Variants in AGBL1 observed in about 807,000 individuals in gnomAD.
AGBL1 encodes AGBL carboxypeptidase 1.
AGBL1 carries 130 observed loss-of-function variants against 118.9 expected under a neutral mutation model. The observed-to-expected ratio is 1.09, with a 90% CI of 0.95 to 1.26. AGBL1 has a LOEUF of 1.26. Ranked by LOEUF, AGBL1 falls within the 50% of genes most tolerant of loss-of-function variation. The pLI is 0.00. For synonymous variants in AGBL1, 555 were observed against 478.9 expected, an observed-to-expected ratio of 1.16 and a Z score of -2.08; for missense variants, 1,584 against 1,298.1, an observed-to-expected ratio of 1.22 and a Z score of -3.38.
At chr15:86,108,533 A>G (rs572701843) in intron 1 of AGBL1, among the ~76,000 whole-genome samples, 6 of 152,336 alleles carry the variant, frequency 3.9e-5, no homozygotes, top group African/African-American at 9.6e-5. Context: ...CTAGGAAGTC[A>G]GGGGCTCAGA....
At chr15:86,184,048 C>T (rs532428745) in intron 5 of AGBL1, among the ~76,000 whole-genome samples, 2 of 152,242 alleles carry the variant, frequency 1.3e-5, no homozygotes, top group East Asian at 3.9e-4. Flanking sequence ...TGTACACATT[C>T]CTTAAGACAG....
intron 3 of AGBL1, among the ~76,000 whole-genome samples, chr15:86,145,860 C>T (rs961438761): frequency 6.6e-6 from 1 of 152,094 alleles, no homozygotes; most frequent in African/African-American, 2.4e-5. Context: ...TTGATGATAG[C>T]AGACTATGAT....
chr15:86,875,226 A>T (rs2079790574), intron 22 of AGBL1, among the ~76,000 whole-genome samples: 1 of 152,164 alleles, frequency 6.6e-6, no homozygotes, highest in Non-Finnish European at 1.5e-5. Flanking sequence ...CACCCTGCTC[A>T]GGGCAGGCAC....
At chr15:86,747,992 C>G (rs2141247853) in intron 22 of AGBL1, among the ~76,000 whole-genome samples, 1 of 152,098 alleles carries the variant, frequency 6.6e-6, no homozygotes, top group Non-Finnish European at 1.5e-5. Flanking sequence ...GGGTATATAC[C>G]CAGTAATGGG....
At position 86,949,435 on chromosome 15, in the gene AGBL1, C is replaced by A. The variant is rs1010385120; in HGVS notation, c.3222-38552C>A. ...TTTGGAGCCAATTCAGGAAGAAGGC[C>A]ACTGTTAAGACATAAATAAACTAGA... On this transcript the variant is annotated intron_variant, in intron 23 of 24. Transcript: ENST00000441037. Among the ~76,000 whole-genome samples, 13 of 151,974 alleles carry A rather than the reference C, an allele frequency of 8.6e-5. No homozygotes were observed. In the South Asian group the frequency reaches 2.7e-3, roughly 32 times the overall value.
intron 22 of AGBL1, among the ~76,000 whole-genome samples, chr15:86,826,169 G>A (rs948861850): frequency 6.6e-6 from 1 of 152,092 alleles, no homozygotes; most frequent in Admixed American, 6.6e-5. Flanking sequence ...CTTCAGAGTA[G>A]TTCCTTAAAG....
At chr15:86,508,060 A>G (rs2083000976) in intron 18 of AGBL1, among the ~76,000 whole-genome samples, 1 of 145,258 alleles carries the variant, frequency 6.9e-6, no homozygotes, top group South Asian at 2.2e-4. Flanking sequence ...GCCAGAGTGC[A>G]GTGGCACGAG....
At position 86,362,014 on chromosome 15, in the gene AGBL1, C is replaced by A. The variant is rs2080813190; in HGVS notation, c.2375-35352C>A. Among the ~76,000 whole-genome samples, 3 of 152,054 alleles carry A rather than the reference C, an allele frequency of 2.0e-5. No individual in the cohort carries two copies. The South Asian group carries it at 6.2e-4, about 31-fold the overall frequency. ...CAACTGTTTTGTAGTTTCTTTCTTT[C>A]TTCTTTGCTTCTGTCTTCCTTTGTA... On this transcript the variant is annotated intron_variant, in intron 17 of 22. Coordinates refer to ENST00000614907, the MANE Select transcript of AGBL1 (RefSeq NM_001386094.1).
chr15:86,418,715 G>C (rs1417735826), intron 18 of AGBL1, among the ~76,000 whole-genome samples: 1 of 152,188 alleles, frequency 6.6e-6, no homozygotes, highest in Non-Finnish European at 1.5e-5. Context: ...GGAGACCCCA[G>C]CTCCTGACTT....
At chr15:86,257,929 A>G (rs1157907809) in intron 8 of AGBL1, 35 bp from the exon 9 acceptor site, 1 of 1,606,310 alleles carries the variant, frequency 6.2e-7, no homozygotes, top group South Asian at 1.1e-5. Flanking sequence ...GCAAAGGGGA[A>G]ACTTCACTTA....
chr15:86,555,106 A>G (rs910365123), intron 21 of AGBL1, among the ~76,000 whole-genome samples: 13 of 152,320 alleles, frequency 8.5e-5, no homozygotes, highest in Non-Finnish European at 1.9e-4. Flanking sequence ...GCTCTTGTAT[A>G]AATCACATTC....
chr15:86,791,779 C>T (rs1203200640), intron 22 of AGBL1, among the ~76,000 whole-genome samples: 2 of 149,768 alleles, frequency 1.3e-5, no homozygotes, highest in Non-Finnish European at 3.0e-5. Flanking sequence ...CTCTGTCATC[C>T]AGACTGGAGT....
chr15:86,177,328 G>C (rs1283927201), intron 5 of AGBL1, among the ~76,000 whole-genome samples: 5 of 152,144 alleles, frequency 3.3e-5, no homozygotes, highest in African/African-American at 2.4e-5. Flanking sequence ...AGGAAAAATA[G>C]ATAGATCCAT....
At chr15:86,649,698 T>C (rs2085338218) in intron 21 of AGBL1, among the ~76,000 whole-genome samples, 1 of 143,964 alleles carries the variant, frequency 6.9e-6, no homozygotes, top group East Asian at 2.1e-4. Context: ...ACAGGATTAA[T>C]TTGGGTTTTT....
intron 18 of AGBL1, among the ~76,000 whole-genome samples, chr15:86,509,894 G>A (rs573920634): frequency 7.9e-5 from 12 of 151,428 alleles, no homozygotes; most frequent in African/African-American, 2.2e-4. Flanking sequence ...CCAAAACTAC[G>A]GAGCTTGCTT....
At chr15:86,717,129 A>C (rs1381494211) in intron 22 of AGBL1, among the ~76,000 whole-genome samples, 1 of 152,246 alleles carries the variant, frequency 6.6e-6, no homozygotes, top group Non-Finnish European at 1.5e-5. Context: ...AAAATGGTTA[A>C]GAGGCAAAGA....
At chr15:86,765,789 C>T (rs2078089374) in intron 22 of AGBL1, among the ~76,000 whole-genome samples, 1 of 151,714 alleles carries the variant, frequency 6.6e-6, no homozygotes, top group Non-Finnish European at 1.5e-5. Context: ...ATACCTATGG[C>T]TGGGAAATAA....
Position 86,439,502 on chromosome 15 carries a change from T to C in AGBL1, c.2555+41956T>C, listed in dbSNP as rs1370510582. Among the ~76,000 whole-genome samples, 3 of 152,226 alleles carry C rather than the reference T, an allele frequency of 2.0e-5. No homozygotes were observed. In the East Asian group the frequency reaches 5.8e-4, roughly 29 times the overall value. ...ACAGTAGAAACAATGTTCATTTTTT[T>C]ATTCTCCAAGGCTTAGTATTTAATG... is the stretch of plus-strand genomic sequence containing the variant. On this transcript the variant is annotated intron_variant, in intron 18 of 22. Coordinates refer to ENST00000614907, the MANE Select transcript of AGBL1 (RefSeq NM_001386094.1).
At chr15:86,158,536 G>A (rs193152125) in intron 4 of AGBL1, among the ~76,000 whole-genome samples, 113 of 152,334 alleles carry the variant, frequency 7.4e-4, no homozygotes, top group African/African-American at 2.5e-3. Flanking sequence ...TTGGAGAGAC[G>A]CTGGGGCATC....
Sources: allele counts gnomAD v4.1 joint callset (sites outside exome capture counted in the v4.1 genomes callset), GRCh38; gene constraint gnomAD v4.1.1; transcripts MANE v1.5; gene names NCBI Gene and HGNC (gene_info 2026-07-23, HGNC 2026-07-21).